CTCF: variants seen among roughly 807,000 people sequenced by gnomAD.
The protein encoded by CTCF is transcriptional repressor CTCF.
A neutral mutation model predicts 72.3 loss-of-function variants in CTCF; 7 were observed. The observed-to-expected ratio is 0.10, with a 90% CI of 0.06 to 0.18. The LOEUF (loss-of-function observed/expected upper bound fraction) is 0.18. CTCF is among the 10% of genes least tolerant of loss of function. The pLI is 1.00. For synonymous variants in CTCF, 374 were observed against 315.8 expected (o/e 1.18, Z -1.95); for missense variants, 516 against 949.1 (o/e 0.54, Z 6.00).
At chr16:67,569,548 A>G (rs536063724) in intron 1 of CTCF, among the ~76,000 whole-genome samples, 1 of 152,166 alleles carries the variant, frequency 6.6e-6, no homozygotes, top group Non-Finnish European at 1.5e-5. Context: ...CCTTTGCTTG[A>G]AGCTTGACAG....
At chr16:67,565,121 C>T (rs1317963483) in intron 1 of CTCF, among the ~76,000 whole-genome samples, 8 of 151,878 alleles carry the variant, frequency 5.3e-5, no homozygotes, top group Admixed American at 1.3e-4. Flanking sequence ...CCTGTCTCTG[C>T]CTCCCAAGTA....
chr16:67,576,445 AC>A (rs1264148131), intron 2 of CTCF, among the ~76,000 whole-genome samples: 5 of 151,316 alleles, frequency 3.3e-5, no homozygotes, highest in African/African-American at 4.9e-5. Flanking sequence ...TAATGCAAAT[AC>A]TTTTTTTCTT....
chr16:67,598,365 AT>A (rs1309890938), intron 2 of CTCF, among the ~76,000 whole-genome samples: 38 of 152,214 alleles, frequency 2.5e-4, no homozygotes, highest in South Asian at 2.3e-3. Flanking sequence ...GTTTATGTAT[AT>A]TTTCCTATAT....
chr16:67,632,084 A>AAAAAAAC (rs2052373188), intron 10 of CTCF, among the ~76,000 whole-genome samples: 1 of 151,830 alleles, frequency 6.6e-6, no homozygotes, highest in Non-Finnish European at 1.5e-5. Flanking sequence ...CAAAAAAAAA[A>AAAAAAAC]AAAAAGGGAA....
chr16:67,585,528 A>G (rs561835603), intron 2 of CTCF, among the ~76,000 whole-genome samples: 143 of 152,328 alleles, frequency 9.4e-4, no homozygotes, highest in African/African-American at 3.3e-3. Flanking sequence ...ACTTTTCAGA[A>G]TCCTTCAATA....
intron 7 of CTCF, 94 bp from the exon 8 acceptor site, chr16:67,626,452 CAAAAAAAAA>C (rs373304235): frequency 1.1e-5 from 4 of 376,954 alleles, no homozygotes; most frequent in Admixed American, 8.2e-5. Context: ...GACTCCGTCT[CAAAAAAAAA>C]AAAAAAAAAA....
intron 1 of CTCF, among the ~76,000 whole-genome samples, chr16:67,569,996 A>C (rs548539741): frequency 1.3e-5 from 2 of 152,204 alleles, no homozygotes; most frequent in Non-Finnish European, 2.9e-5. Context: ...GGCATGAACA[A>C]ACTTAATCAG....
At chr16:67,616,051 G>C (rs1467548614) in intron 4 of CTCF, 1 of 152,200 alleles carries the variant, frequency 6.6e-6, no homozygotes, top group Admixed American at 6.6e-5. Context: ...GATTCCTTCA[G>C]TGAAAGACAA....
intron 7 of CTCF, among the ~76,000 whole-genome samples, chr16:67,625,326 G>T (rs1324950305): frequency 6.6e-6 from 1 of 152,098 alleles, no homozygotes; most frequent in Non-Finnish European, 1.5e-5. Flanking sequence ...GAGTAGCTGG[G>T]ATTACAGGTT....
At chr16:67,628,901 A>G (rs2068207220) in intron 9 of CTCF, among the ~76,000 whole-genome samples, 2 of 152,174 alleles carry the variant, frequency 1.3e-5, no homozygotes, top group South Asian at 4.1e-4. Context: ...TCTACTAAAA[A>G]TACAAAAAAT....
chr16:67,619,519 T>C (rs1010194307), intron 5 of CTCF, among the ~76,000 whole-genome samples: 1 of 152,188 alleles, frequency 6.6e-6, no homozygotes, highest in Non-Finnish European at 1.5e-5. Flanking sequence ...AAAATTGGGA[T>C]ACTTTTTAAA....
intron 2 of CTCF, among the ~76,000 whole-genome samples, chr16:67,587,652 A>G (rs1237018182): frequency 6.6e-6 from 1 of 151,864 alleles, no homozygotes; most frequent in Non-Finnish European, 1.5e-5. Flanking sequence ...TGCTTGGCAC[A>G]GTGGCTCACA....
At chr16:67,622,044 C>T (rs2052206737) in intron 7 of CTCF, among the ~76,000 whole-genome samples, 1 of 152,056 alleles carries the variant, frequency 6.6e-6, no homozygotes, top group Non-Finnish European at 1.5e-5. Context: ...AGTTTACATG[C>T]AGCCGGAGTT....
chr16:67,587,262 A>T (rs745587937), intron 2 of CTCF, among the ~76,000 whole-genome samples: 72 of 152,072 alleles, frequency 4.7e-4, no homozygotes, highest in Admixed American at 3.0e-3. Context: ...CTGCCCAGCC[A>T]ATAATTTTCT....
At position 67,590,223 on chromosome 16, in the gene CTCF, CT is replaced by C. The variant is rs777483223; in HGVS notation, c.-10+18961del. On this transcript the variant is annotated intron_variant, in intron 2 of 11. Coordinates refer to ENST00000264010, the MANE Select transcript of CTCF (RefSeq NM_006565.4). ...ATTATTCTTTGTAGCAAAAGAACTC[CT>C]TCCCCTCCTCCCATACTAGTTTCAC... Among the ~76,000 whole-genome samples, 4 of 151,794 alleles carry C rather than the reference CT, an allele frequency of 2.6e-5. No homozygotes were observed. In the South Asian group the frequency reaches 8.3e-4, roughly 32 times the overall value.
intron 2 of CTCF, among the ~76,000 whole-genome samples, chr16:67,578,037 A>G (rs560343405): frequency 6.6e-6 from 1 of 152,310 alleles, no homozygotes; most frequent in East Asian, 1.9e-4. Context: ...GAAGACTATT[A>G]ATAGTCTGGT....
rs879842564 is a variant in CTCF, at chr16:67,569,687, C to CT, written c.-126-1448dup. Among the ~76,000 whole-genome samples the CT allele has an allele frequency of 7.4e-3, 1,043 of 141,590 alleles. 1 individual carries two copies. Among genetic ancestry groups the CT allele is most frequent in the East Asian group, 0.026 (127 of 4,820 alleles). 92.9% of individuals were successfully genotyped at this position (141,590 alleles called of 152,430 possible). ...AGTAAAAGCTCCTTTTGCCAGTTAT[C>CT]TTTTTTTTTTTTTAATGAGACGGAG... On this transcript the variant is annotated intron_variant, in intron 1 of 11. Transcript: ENST00000264010.
At chr16:67,568,077 C>T (rs6499133) in intron 1 of CTCF, 5,071 of 149,940 alleles carry the variant, frequency 0.034, 127 homozygotes, top group South Asian at 0.061. Flanking sequence ...TATATGTATA[C>T]GTGTATATAT....
At chr16:67,629,058 A>G (rs1347048418) in intron 9 of CTCF, among the ~76,000 whole-genome samples, 1 of 152,078 alleles carries the variant, frequency 6.6e-6, no homozygotes, top group Admixed American at 6.6e-5. Context: ...TCTCAAAAAA[A>G]AAAAAAAAAT....
Sources: allele counts gnomAD v4.1 joint callset (sites outside exome capture counted in the v4.1 genomes callset), GRCh38; gene constraint gnomAD v4.1.1; transcripts MANE v1.5; gene names NCBI Gene and HGNC (gene_info 2026-07-23, HGNC 2026-07-21).